MLLT10: variants seen among roughly 807,000 people sequenced by gnomAD.
The protein encoded by MLLT10 is protein AF-10.
A neutral mutation model predicts 129.1 loss-of-function variants in MLLT10; 30 were observed. The ratio of observed to expected loss-of-function variants is 0.23; its 90% CI spans 0.17 to 0.32. MLLT10 has a LOEUF of 0.32. MLLT10 is among the 10% of genes least tolerant of loss of function. The pLI is 1.00. For missense variants in MLLT10, 1,119 were observed against 1,268.3 expected, an observed-to-expected ratio of 0.88 and a Z score of 1.79; for synonymous variants, 490 against 446.4, an observed-to-expected ratio of 1.10 and a Z score of -1.23.
intron 11 of MLLT10, among the ~76,000 whole-genome samples, chr10:21,679,969 A>G (rs2052570174): frequency 6.6e-6 from 1 of 152,172 alleles, no homozygotes; most frequent in African/African-American, 2.4e-5. Flanking sequence ...AGGGAATATC[A>G]GTTGTTTCCA....
At chr10:21,720,243 T>A (rs918485516) in intron 14 of MLLT10, among the ~76,000 whole-genome samples, 2 of 152,172 alleles carry the variant, frequency 1.3e-5, no homozygotes, top group African/African-American at 4.8e-5. Context: ...CTCCTAACAA[T>A]TAGGGAGCAG....
intron 4 of MLLT10, among the ~76,000 whole-genome samples, chr10:21,588,611 A>G (rs1407807818): frequency 6.6e-6 from 1 of 152,072 alleles, no homozygotes; most frequent in South Asian, 2.1e-4. Context: ...TTTGCCCTGT[A>G]GTTTTACCAA....
At chr10:21,735,975 C>T (rs1236470891) in intron 21 of MLLT10, among the ~76,000 whole-genome samples, 1 of 152,118 alleles carries the variant, frequency 6.6e-6, no homozygotes, top group Non-Finnish European at 1.5e-5. Flanking sequence ...GAGTGGAGAG[C>T]ACCCTGAAGA....
At chr10:21,620,987 A>T (rs1422513988) in intron 8 of MLLT10, among the ~76,000 whole-genome samples, 2 of 136,494 alleles carry the variant, frequency 1.5e-5, no homozygotes, top group Non-Finnish European at 3.2e-5. Context: ...CCTGCCAAGA[A>T]TTTTTTTTTT....
chr10:21,624,185 T>G (rs1192463669), intron 8 of MLLT10, among the ~76,000 whole-genome samples: 1 of 152,220 alleles, frequency 6.6e-6, no homozygotes, highest in Non-Finnish European at 1.5e-5. Context: ...TTAAAACTAC[T>G]AAGACATAGC....
intron 3 of MLLT10, among the ~76,000 whole-genome samples, chr10:21,552,611 C>T (rs2037266586): frequency 6.6e-6 from 1 of 151,794 alleles, no homozygotes; most frequent in African/African-American, 2.4e-5. Flanking sequence ...AGGCTGGTCT[C>T]GATCTCCTGA....
chr10:21,658,442 T>C (rs1231512052), intron 9 of MLLT10, among the ~76,000 whole-genome samples: 2 of 152,224 alleles, frequency 1.3e-5, no homozygotes, highest in African/African-American at 4.8e-5. Flanking sequence ...TAATAGTTCA[T>C]TTTTTGGCTA....
Position 21,740,026 on chromosome 10 carries a change from T to C in MLLT10, c.2956-4T>C. 6 of 1,593,356 alleles carry C rather than the reference T, an allele frequency of 3.8e-6. No individual in the cohort carries two copies. The highest frequency in any genetic ancestry group is 5.1e-6 in the Non-Finnish European group (6 of 1,168,246). On this transcript the variant is annotated splice_region_variant and splice_polypyrimidine_tract_variant and intron_variant, in intron 21 of 22. Coordinates refer to ENST00000307729, the MANE Select transcript of MLLT10 (RefSeq NM_001195626.3). ...CATTTTCTCTCACATGTTTTTTGCC[T>C]AAGGAACAACATCAAGCCTTTTTGT...
intron 5 of MLLT10, among the ~76,000 whole-genome samples, chr10:21,609,669 C>A (rs1341148079): frequency 6.6e-6 from 1 of 152,164 alleles, no homozygotes; most frequent in Non-Finnish European, 1.5e-5. Context: ...AGTTGTTGTA[C>A]TTGTTTCTCC....
At chr10:21,632,652 TGGG>T (rs992983066) in intron 8 of MLLT10, among the ~76,000 whole-genome samples, 7 of 152,216 alleles carry the variant, frequency 4.6e-5, no homozygotes, top group African/African-American at 1.7e-4. Flanking sequence ...GTTTTGTATT[TGGG>T]GGCATAACAC....
chr10:21,653,639 G>A (rs1272456497), intron 9 of MLLT10, among the ~76,000 whole-genome samples: 6 of 152,126 alleles, frequency 3.9e-5, no homozygotes, highest in Non-Finnish European at 4.4e-5. Context: ...CTTTTGCCAT[G>A]TAATATAACA....
intron 8 of MLLT10, among the ~76,000 whole-genome samples, chr10:21,646,797 G>C (rs1482960673): frequency 1.3e-5 from 2 of 151,374 alleles, no homozygotes; most frequent in African/African-American, 4.9e-5. Context: ...TATGTAATCT[G>C]TGAACTACAC....
At chr10:21,729,891 G>A (rs975433834) in intron 16 of MLLT10, among the ~76,000 whole-genome samples, 1 of 152,146 alleles carries the variant, frequency 6.6e-6, no homozygotes, top group Non-Finnish European at 1.5e-5. Flanking sequence ...CTTAATACAA[G>A]TGCTGTTTGT....
chr10:21,643,526 T>C (rs1455619429), intron 8 of MLLT10, among the ~76,000 whole-genome samples: 1 of 152,242 alleles, frequency 6.6e-6, no homozygotes, highest in Non-Finnish European at 1.5e-5. Flanking sequence ...ATTCACTTTT[T>C]TCAATAATAA....
intron 17 of MLLT10, among the ~76,000 whole-genome samples, chr10:21,732,425 C>T (rs888923737): frequency 1.3e-5 from 2 of 152,186 alleles, no homozygotes; most frequent in Middle Eastern, 3.2e-3. Flanking sequence ...TCCTGCCAGG[C>T]GTCTGATGGC....
chr10:21,673,855 T>A lies in MLLT10; in HGVS notation c.1557T>A (p.Ser519=). The part of the protein sequence containing the change: ...GSITSSSLQK[S]PTLLRNGSLQ... ...TAACAAGCTCTAGTCTGCAGAAATC[T>A]CCTACATTGCTCAGGAATGGAAGTT... Residue 519 remains serine (S), a synonymous_variant, in exon 11 of 23, where the codon TCT becomes TCA. Coordinates refer to ENST00000307729, the MANE Select transcript of MLLT10 (RefSeq NM_001195626.3). 1 of 1,614,022 alleles carries A rather than the reference T, an allele frequency of 6.2e-7. No individual in the cohort carries two copies. Among genetic ancestry groups the A allele is most frequent in the Non-Finnish European group, 8.5e-7 (1 of 1,179,930 alleles).
At chr10:21,638,266 G>A (rs948645814) in intron 8 of MLLT10, among the ~76,000 whole-genome samples, 3 of 107,334 alleles carry the variant, frequency 2.8e-5, no homozygotes, top group African/African-American at 7.2e-5. Context: ...GTGGGGGGAG[G>A]GGGGCGGGGG....
intron 8 of MLLT10, chr10:21,625,897 C>A (rs1364081502): frequency 5.1e-6 from 4 of 782,344 alleles, no homozygotes; most frequent in Non-Finnish European, 9.5e-6. Context: ...CAAAAAGGGG[C>A]ACCAACTCAT....
chr10:21,687,026 C>G (rs1397358367), intron 13 of MLLT10, among the ~76,000 whole-genome samples: 1 of 152,066 alleles, frequency 6.6e-6, no homozygotes, highest in Admixed American at 6.6e-5. Flanking sequence ...TTACTTAGAT[C>G]AGTTTTCACA....
Sources: gnomAD v4.1 joint callset for allele counts (sites outside exome capture counted in the v4.1 genomes callset) on GRCh38, gnomAD v4.1.1 for gene constraint, MANE v1.5 for transcripts, NCBI Gene and HGNC (gene_info 2026-07-23, HGNC 2026-07-21) for gene names.